The following PEBP4 variants were observed in gnomAD, a reference collection of about 807,000 sequenced individuals.
PEBP4 encodes phosphatidylethanolamine binding protein 4.
In PEBP4, 22 loss-of-function variants were observed where a neutral mutation model predicts 23.9. That is an observed-to-expected ratio of 0.92 (90% CI 0.66 to 1.31). The LOEUF (loss-of-function observed/expected upper bound fraction) is 1.31. Among genes scored for constraint, PEBP4 ranks in the 40% most tolerant of loss-of-function variants. PEBP4 has a pLI of 0.00. For missense variants in PEBP4, 324 were observed against 281.7 expected (o/e 1.15, Z -1.07); for synonymous variants, 112 against 99.3 (o/e 1.13, Z -0.76).
At chr8:22,808,196 C>T (rs529005784) in intron 4 of PEBP4, among the ~76,000 whole-genome samples, 5 of 151,872 alleles carry the variant, frequency 3.3e-5, no homozygotes, top group Non-Finnish European at 1.5e-5. Context: ...TATCCAACTT[C>T]CATCCATCCA....
At position 22,927,627 on chromosome 8, in the gene PEBP4, A is replaced by G. The variant is rs774531378; in HGVS notation, c.88T>C (p.Cys30Arg). The G allele has an allele frequency of 6.2e-7, 1 of 1,613,850 alleles. No individual in the cohort carries two copies. Among genetic ancestry groups the G allele is most frequent in the African/African-American group, 1.3e-5 (1 of 75,040 alleles). ...VTGDEDENSP[C>R]AHEALLDEDT... ...TCGTCCAAGAGGGCCTCATGGGCAC[A>G]CGGGCTGTTCTCATCCTCGTCTCCA... The change falls in exon 2 of 7, where the codon TGT becomes CGT. Residue 30 changes from cysteine to arginine, a missense_variant. Cys to Arg is a radical substitution (Grantham distance 180). Transcript: ENST00000256404.
intron 4 of PEBP4, among the ~76,000 whole-genome samples, chr8:22,786,972 C>T (rs1348846474): frequency 6.6e-6 from 1 of 152,126 alleles, no homozygotes; most frequent in Non-Finnish European, 1.5e-5. Context: ...AGGTGTGTAT[C>T]ACCATTCCTG....
At chr8:22,809,206 C>T (rs1246984030) in intron 4 of PEBP4, among the ~76,000 whole-genome samples, 1 of 152,224 alleles carries the variant, frequency 6.6e-6, no homozygotes, top group African/African-American at 2.4e-5. Flanking sequence ...AAATCCTCAA[C>T]ATTCCTGCGA....
chr8:22,795,939 T>C lies in PEBP4; in HGVS notation c.357+21698A>G, dbSNP rs1045088531. Among the ~76,000 whole-genome samples the C allele has an allele frequency of 2.6e-5, 4 of 152,196 alleles. No homozygotes were observed. The East Asian group carries it at 7.7e-4, about 29-fold the overall frequency. On this transcript the variant is annotated intron_variant, in intron 4 of 6. Transcript: ENST00000256404. ...GTCAAAGACATTTTAGGAGGTGTGTTTGTATGCCGAAATGTGAGAATTTCT... is the reference window on the plus strand; with the variant it reads ...GTCAAAGACATTTTAGGAGGTGTGTCTGTATGCCGAAATGTGAGAATTTCT...
chr8:22,907,897 G>A (rs1205402809), intron 3 of PEBP4, among the ~76,000 whole-genome samples: 1 of 152,084 alleles, frequency 6.6e-6, no homozygotes, highest in Non-Finnish European at 1.5e-5. Context: ...GAGGTGGTCA[G>A]CTCTGGATAT....
intron 3 of PEBP4, among the ~76,000 whole-genome samples, chr8:22,844,668 G>A (rs1384160273): frequency 6.6e-6 from 1 of 152,120 alleles, no homozygotes; most frequent in Non-Finnish European, 1.5e-5. Flanking sequence ...GTTCTGTTGG[G>A]GATATATTCC....
At position 22,727,230 on chromosome 8, in the gene PEBP4, G is replaced by C. The variant is rs1804637582; in HGVS notation, c.358-10C>G. The C allele has an allele frequency of 6.2e-7, 1 of 1,613,372 alleles. No homozygotes were observed. Among genetic ancestry groups the C allele is most frequent in the Non-Finnish European group, 8.5e-7 (1 of 1,179,850 alleles). The stretch of plus-strand genomic sequence containing the variant: ...TCTTCAGGTCGGCGCCCTGAAAGAA[G>C]AGACAAGCAGGGCTGTAGGTTATGT... On this transcript the variant is annotated splice_polypyrimidine_tract_variant and intron_variant, in intron 4 of 6. Coordinates refer to ENST00000256404, the MANE Select transcript of PEBP4 (RefSeq NM_144962.3).
At chr8:22,853,922 A>C (rs1258339867) in intron 3 of PEBP4, among the ~76,000 whole-genome samples, 1 of 152,194 alleles carries the variant, frequency 6.6e-6, no homozygotes, top group Non-Finnish European at 1.5e-5. Flanking sequence ...ATTGTTTTTG[A>C]TAAACTGGCC....
intron 3 of PEBP4, among the ~76,000 whole-genome samples, chr8:22,904,104 G>A (rs751817810): frequency 1.3e-5 from 2 of 152,220 alleles, no homozygotes; most frequent in African/African-American, 2.4e-5. Flanking sequence ...GGGCAAGGCT[G>A]ATTAATGAGA....
chr8:22,719,866 A>T (rs908479051), intron 6 of PEBP4, among the ~76,000 whole-genome samples: 4 of 152,030 alleles, frequency 2.6e-5, no homozygotes, highest in Non-Finnish European at 5.9e-5. Flanking sequence ...GACAGGGAGG[A>T]CGTCGATCAA....
intron 4 of PEBP4, among the ~76,000 whole-genome samples, chr8:22,804,153 G>C (rs1350256900): frequency 6.6e-6 from 1 of 152,088 alleles, no homozygotes; most frequent in African/African-American, 2.4e-5. Flanking sequence ...AACATAGTGG[G>C]GCCCTATATC....
At chr8:22,719,815 G>A (rs986068927) in intron 6 of PEBP4, among the ~76,000 whole-genome samples, 28 of 152,164 alleles carry the variant, frequency 1.8e-4, no homozygotes, top group Admixed American at 3.3e-4. Context: ...GTGGCTGGTG[G>A]AGAGGCTGGT....
rs115292355 is a variant in PEBP4, at chr8:22,871,000, T to C, written c.258+49184A>G. Among the ~76,000 whole-genome samples the C allele has an allele frequency of 3.7e-3, 560 of 152,306 alleles. 6 individuals are homozygous for C. The highest frequency in any genetic ancestry group is 0.013 in the African/African-American group (533 of 41,560). ...CTACAGATGCACTTGGACTTGTTTC[T>C]TTCCTGCTCAACCCAGGAAAATAAA... On this transcript the variant is annotated intron_variant, in intron 3 of 6. Coordinates refer to ENST00000256404, the MANE Select transcript of PEBP4 (RefSeq NM_144962.3).
At chr8:22,744,267 T>TG (rs752143852) in intron 4 of PEBP4, among the ~76,000 whole-genome samples, 1 of 151,518 alleles carries the variant, frequency 6.6e-6, no homozygotes, top group Non-Finnish European at 1.5e-5. Context: ...CTGAGGGAGG[T>TG]GGGATGAGCA....
At chr8:22,749,076 G>T (rs192227683) in intron 4 of PEBP4, among the ~76,000 whole-genome samples, 2 of 152,288 alleles carry the variant, frequency 1.3e-5, no homozygotes, top group African/African-American at 4.8e-5. Flanking sequence ...GGAACAGGAG[G>T]GGTGTCCCAT....
Position 22,797,307 on chromosome 8 carries a change from T to C in PEBP4, c.357+20330A>G, listed in dbSNP as rs559367391. 7.4e-5 allele frequency among the ~76,000 whole-genome samples: 10 copies of C among 134,408 alleles called. No homozygotes were observed. In the South Asian group the frequency reaches 2.4e-3, roughly 32 times the overall value. 88.2% of individuals were successfully genotyped at this position (134,408 alleles called of 152,430 possible). A position where few individuals can be genotyped will look rare whatever the true frequency, so the allele number is the denominator to read the frequency against. On this transcript the variant is annotated intron_variant, in intron 4 of 6. Coordinates refer to ENST00000256404, the MANE Select transcript of PEBP4 (RefSeq NM_144962.3). ...AAAGAAAAACAAACCCAAATCGGAA[T>C]ATCTGAGTGCAAAAACCCAAAAAAC...
chr8:22,754,686 C>G (rs1805339411), intron 4 of PEBP4: 1 of 152,262 alleles, frequency 6.6e-6, no homozygotes, highest in South Asian at 2.1e-4. Flanking sequence ...CCACATGAAG[C>G]TGTCATCTGC....
chr8:22,922,585 C>CAAA, intron 2 of PEBP4, among the ~76,000 whole-genome samples: 1 of 122,376 alleles, frequency 8.2e-6, no homozygotes, highest in African/African-American at 2.8e-5. Context: ...AACAAACAAA[C>CAAA]AAAAAAAAAA....
intron 4 of PEBP4, among the ~76,000 whole-genome samples, chr8:22,816,831 A>G (rs975262814): frequency 2.6e-5 from 4 of 152,226 alleles, no homozygotes; most frequent in Non-Finnish European, 4.4e-5. Context: ...TTCCCCAAAG[A>G]GCACTGCCAG....
Sources: gnomAD v4.1 joint callset for allele counts (sites outside exome capture counted in the v4.1 genomes callset) on GRCh38, gnomAD v4.1.1 for gene constraint, MANE v1.5 for transcripts, NCBI Gene and HGNC (gene_info 2026-07-23, HGNC 2026-07-21) for gene names.